HTR1F: variants seen among roughly 807,000 people sequenced by gnomAD.
The protein encoded by HTR1F is 5-hydroxytryptamine receptor 1F.
HTR1F carries 17 observed loss-of-function variants against 24.0 expected under a neutral mutation model. That is an observed-to-expected ratio of 0.71 (90% CI 0.48 to 1.06). The LOEUF (loss-of-function observed/expected upper bound fraction) is 1.06, where lower values mean the gene tolerates loss of function less well. Ranked by LOEUF, HTR1F falls within the 50% of genes least tolerant of loss-of-function variation. The probability of loss-of-function intolerance (pLI) is 0.00; values close to 1 mark genes in which losing one functional copy is unlikely to be tolerated. For synonymous variants in HTR1F, 186 were observed against 156.8 expected, an observed-to-expected ratio of 1.19 and a Z score of -1.39; for missense variants, 391 against 427.8, an observed-to-expected ratio of 0.91 and a Z score of 0.76.
intron 2 of HTR1F, among the ~76,000 whole-genome samples, chr3:87,987,831 A>AATATATGTATTATATGTATATATATGT (rs1705707677): frequency 1.4e-5 from 2 of 144,614 alleles, no homozygotes; most frequent in East Asian, 3.9e-4. Context: ...ATATATATAA[A>AATATATGTATTATATGTATATATATGT]ATATATGTAT....
At chr3:87,906,339 A>G (rs1256291005) in intron 2 of HTR1F, among the ~76,000 whole-genome samples, 1 of 152,058 alleles carries the variant, frequency 6.6e-6, no homozygotes, top group African/African-American at 2.4e-5. Flanking sequence ...TGGAAATAAT[A>G]TGACTGAACA....
intron 2 of HTR1F, among the ~76,000 whole-genome samples, chr3:87,907,433 G>T (rs192971597): frequency 6.7e-6 from 1 of 149,968 alleles, no homozygotes; most frequent in Admixed American, 6.7e-5. Context: ...GTCCGTTGTT[G>T]GATGTATATT....
At chr3:87,844,439 G>C (rs1704888897) in intron 2 of HTR1F, among the ~76,000 whole-genome samples, 1 of 134,354 alleles carries the variant, frequency 7.4e-6, no homozygotes, top group African/African-American at 3.5e-5. Flanking sequence ...CCCTTTGTCA[G>C]ATGAGTAGGT....
At chr3:87,847,204 G>C (rs926426366) in intron 2 of HTR1F, among the ~76,000 whole-genome samples, 1 of 151,728 alleles carries the variant, frequency 6.6e-6, no homozygotes, top group Non-Finnish European at 1.5e-5. Flanking sequence ...AATTAGCAAA[G>C]ATTTGTGAAT....
At chr3:87,840,065 G>A (rs1704767590) in intron 2 of HTR1F, among the ~76,000 whole-genome samples, 1 of 152,162 alleles carries the variant, frequency 6.6e-6, no homozygotes, top group South Asian at 2.1e-4. Context: ...GATTAGCACT[G>A]TGATGAATAA....
Position 87,992,005 on chromosome 3 carries a change from T to C in HTR1F, c.*155T>C, listed in dbSNP as rs559901697. 125 of 563,552 alleles carry C rather than the reference T, an allele frequency of 2.2e-4. No homozygotes were observed. The highest frequency in any genetic ancestry group is 3.4e-4 in the Non-Finnish European group (113 of 332,386). The allele number at this position is 563,552 out of a possible 1,614,324, so 34.9% of individuals were successfully genotyped here. A position where few individuals can be genotyped will look rare whatever the true frequency, so the allele number is the denominator to read the frequency against. ...ATTTATATTTTAATAGCAATGTGAATATAAAAGTTATTGATCACCACTATT... is the reference window on the plus strand; with the variant it reads ...ATTTATATTTTAATAGCAATGTGAACATAAAAGTTATTGATCACCACTATT... On this transcript the variant is annotated 3_prime_UTR_variant, in exon 3 of 3. Transcript: ENST00000319595.
At chr3:87,872,515 G>C (rs1705580258) in intron 2 of HTR1F, among the ~76,000 whole-genome samples, 1 of 151,546 alleles carries the variant, frequency 6.6e-6, no homozygotes, top group East Asian at 1.9e-4. Flanking sequence ...CAATATATTT[G>C]GCAAACCCTT....
At chr3:87,918,220 T>C (rs1703938213) in intron 2 of HTR1F, among the ~76,000 whole-genome samples, 1 of 151,876 alleles carries the variant, frequency 6.6e-6, no homozygotes, top group South Asian at 2.1e-4. Context: ...GGGACATACG[T>C]CAATATAATA....
chr3:87,814,038 G>C (rs1322921858), intron 1 of HTR1F, among the ~76,000 whole-genome samples: 1 of 152,048 alleles, frequency 6.6e-6, no homozygotes, highest in Non-Finnish European at 1.5e-5. Flanking sequence ...TTTAAAAGTG[G>C]TTACTAGGCT....
intron 2 of HTR1F, among the ~76,000 whole-genome samples, chr3:87,928,330 C>A (rs556894387): frequency 6.6e-6 from 1 of 152,232 alleles, no homozygotes; most frequent in East Asian, 1.9e-4. Flanking sequence ...CAGGCACGAG[C>A]CACCACGCTA....
At chr3:87,836,837 C>A (rs1344797315) in intron 2 of HTR1F, among the ~76,000 whole-genome samples, 1 of 151,892 alleles carries the variant, frequency 6.6e-6, no homozygotes, top group Non-Finnish European at 1.5e-5. Context: ...CCCATTTTTT[C>A]TTTTTGTACT....
chr3:87,947,080 GTC>G (rs1479825681), intron 2 of HTR1F, among the ~76,000 whole-genome samples: 2 of 152,180 alleles, frequency 1.3e-5, no homozygotes, highest in Non-Finnish European at 2.9e-5. Context: ...TTTCAAGTGT[GTC>G]TTTCAATGAG....
intron 2 of HTR1F, among the ~76,000 whole-genome samples, chr3:87,985,348 A>G (rs1705640440): frequency 6.7e-6 from 1 of 148,438 alleles, no homozygotes. Flanking sequence ...AAAAAAAAAA[A>G]GCAAAGAAAA....
intron 2 of HTR1F, among the ~76,000 whole-genome samples, chr3:87,872,859 C>A (rs558832133): frequency 3.3e-5 from 5 of 152,158 alleles, no homozygotes; most frequent in African/African-American, 1.2e-4. Flanking sequence ...CTCCGCCAAA[C>A]TTTTAAAGAA....
chr3:87,836,733 T>C (rs1262007420), intron 2 of HTR1F, among the ~76,000 whole-genome samples: 1 of 152,134 alleles, frequency 6.6e-6, no homozygotes, highest in Admixed American at 6.5e-5. Flanking sequence ...TTAAAATATA[T>C]GTATCAACTC....
chr3:87,865,780 G>A (rs112268675), intron 2 of HTR1F, among the ~76,000 whole-genome samples: 13 of 152,006 alleles, frequency 8.6e-5, no homozygotes, highest in African/African-American at 3.1e-4. Flanking sequence ...ATTGTTTCTG[G>A]TATGGGACTA....
intron 2 of HTR1F, among the ~76,000 whole-genome samples, chr3:87,865,391 C>T (rs1315192369): frequency 6.6e-6 from 1 of 151,960 alleles, no homozygotes; most frequent in Non-Finnish European, 1.5e-5. Flanking sequence ...GATAAACAGA[C>T]CATAGTAGCC....
chr3:87,802,910 A>G (rs1171759983), intron 1 of HTR1F, among the ~76,000 whole-genome samples: 1 of 152,190 alleles, frequency 6.6e-6, no homozygotes, highest in African/African-American at 2.4e-5. Flanking sequence ...ACCACAACAC[A>G]GCACTAATAA....
chr3:87,811,923 G>A (rs1704167116), intron 1 of HTR1F, among the ~76,000 whole-genome samples: 1 of 152,150 alleles, frequency 6.6e-6, no homozygotes, highest in Admixed American at 6.5e-5. Flanking sequence ...AGTGAGTGCT[G>A]ATGAGATCTG....
Sources: gnomAD v4.1 joint callset for allele counts (sites outside exome capture counted in the v4.1 genomes callset) on GRCh38, gnomAD v4.1.1 for gene constraint, MANE v1.5 for transcripts, NCBI Gene and HGNC (gene_info 2026-07-23, HGNC 2026-07-21) for gene names.